The following ZZEF1 variants were observed in gnomAD, a reference collection of about 807,000 sequenced individuals.
ZZEF1 encodes zinc finger ZZ-type and EF-hand domain containing 1, also known as zinc finger ZZ-type and EF-hand domain-containing protein 1.
Under a neutral mutation model 342.8 loss-of-function variants are expected in ZZEF1, and 157 were observed. The ratio of observed to expected loss-of-function variants is 0.46; its 90% confidence interval spans 0.40 to 0.52. The LOEUF (loss-of-function observed/expected upper bound fraction) is 0.52, where lower values mean the gene tolerates loss of function less well. ZZEF1 is among the 20% of genes least tolerant of loss of function. The probability of loss-of-function intolerance (pLI) is 0.00; values close to 1 mark genes in which losing one functional copy is unlikely to be tolerated. For missense variants in ZZEF1, 3,480 were observed against 3,725.6 expected, an observed-to-expected ratio of 0.93 and a Z score of 1.72; for synonymous variants, 1,505 against 1,429.1, an observed-to-expected ratio of 1.05 and a Z score of -1.20.
intron 28 of ZZEF1, among the ~76,000 whole-genome samples, chr17:4,065,347 A>C (rs894980086): frequency 1.3e-5 from 2 of 151,942 alleles, no homozygotes; most frequent in Non-Finnish European, 2.9e-5. Flanking sequence ...CAGTGAGCCG[A>C]GATCATGCCA....
intron 6 of ZZEF1, among the ~76,000 whole-genome samples, chr17:4,109,428 G>C (rs1241568166): frequency 1.3e-5 from 2 of 152,184 alleles, no homozygotes; most frequent in Non-Finnish European, 2.9e-5. Context: ...ACGAGGAGCA[G>C]GAAGGTGGAA....
intron 2 of ZZEF1, 72 bp from the exon 3 acceptor site, chr17:4,117,238 C>T (rs2058410701): frequency 1.6e-6 from 2 of 1,259,668 alleles, no homozygotes; most frequent in Non-Finnish European, 2.2e-6. Context: ...GCCTGGTGGC[C>T]TATCTGAATT....
chr17:4,018,073 T>A (rs1265421115), intron 46 of ZZEF1, 102 bp from the exon 47 acceptor site: 1 of 1,447,426 alleles, frequency 6.9e-7, no homozygotes, highest in African/African-American at 1.4e-5. Context: ...TGTTCTTCTG[T>A]TAGTATCAAT....
At position 4,005,044 on chromosome 17, in the gene ZZEF1, G is replaced by A. The variant is rs1416548782; in HGVS notation, c.*1846C>T. On this transcript the variant is annotated 3_prime_UTR_variant, in exon 55 of 55. Coordinates refer to ENST00000381638, the MANE Select transcript of ZZEF1 (RefSeq NM_015113.4). ...TCCGGCCCTACCGCCCGCTTTACTC[G>A]GAGTCTGGGGTGTGGAGGGGCGTGG... 1.4e-5 allele frequency: 2 copies of A among 147,796 alleles called. No individual in the cohort carries two copies. The highest frequency in any genetic ancestry group is 6.6e-5 in the Admixed American group (1 of 15,166). The allele number at this position is 147,796 out of a possible 1,614,324, so 9.2% of individuals were successfully genotyped here. A position where few individuals can be genotyped will look rare whatever the true frequency, so the allele number is the denominator to read the frequency against.
At position 4,008,613 on chromosome 17, in the gene ZZEF1, G is replaced by A; in HGVS notation, c.8805+270C>T. 8.5e-6 allele frequency: 10 copies of A among 1,172,834 alleles called. No individual in the cohort carries two copies. Among genetic ancestry groups the A allele is most frequent in the Non-Finnish European group, 1.1e-5 (10 of 948,990 alleles). 72.7% of individuals were successfully genotyped at this position (1,172,834 alleles called of 1,614,324 possible). ...AACTCCACGGAAACTTCAAGAATCA[G>A]CCAAACTAAATTTAAGGCATCGGTT... On this transcript the variant is annotated intron_variant, in intron 54 of 54. Coordinates refer to ENST00000381638, the MANE Select transcript of ZZEF1 (RefSeq NM_015113.4). This position sits in a 1 kb window ranked among gnomAD's most constrained non-coding sequence, Gnocchi z 4.2.
chr17:4,042,353 G>A (rs1567787133), intron 39 of ZZEF1, 76 bp downstream of exon 39: 2 of 1,450,510 alleles, frequency 1.4e-6, no homozygotes, highest in Non-Finnish European at 1.9e-6. Context: ...GTCATCATTT[G>A]TTTCAGTATG....
chr17:4,019,936 A>G, intron 45 of ZZEF1, 167 bp from the exon 46 acceptor site: 1 of 533,520 alleles, frequency 1.9e-6, no homozygotes, highest in Admixed American at 4.0e-5. Flanking sequence ...GTAAGCACCA[A>G]AACATGGACT....
Position 4,142,729 on chromosome 17 carries a change from A to G in ZZEF1, c.167T>C (p.Leu56Pro). The G allele has an allele frequency of 6.5e-7, 1 of 1,547,310 alleles. No individual in the cohort carries two copies. ...CAGCAACGCTGCAGCAGCCTCTCGC[A>G]GCCTGGCCGGCTCCAGCAGCGCCGC... ...PAAALLEPAR[L>P]REAAAALLPT... The change falls in exon 1 of 55, where the codon CTG becomes CCG. Residue 56 changes from leucine to proline, a missense_variant. This residue lies in a region of ZZEF1 where 416 missense variants were observed against 374.2 expected (regional missense o/e 1.11). Transcript: ENST00000381638.
chr17:4,062,848 C>T lies in ZZEF1; in HGVS notation c.4788G>A (p.Gln1596=). 6.2e-7 allele frequency: 1 copy of T among 1,613,636 alleles called. No individual in the cohort carries two copies. Among genetic ancestry groups the T allele is most frequent in the African/African-American group, 1.3e-5 (1 of 75,026 alleles). Residue 1596 remains glutamine (Q), a synonymous_variant, in exon 30 of 55, where the codon CAG becomes CAA. Transcript: ENST00000381638. The part of the protein sequence containing the change: ...QSILEVLKIT[Q]HCAESLGQPH... Reference sequence around the variant, plus strand: ...GCTGCCCAAGGGATTCTGCACAGTGCTGAGTTATCTTCAGGACTTCCAGGA... The same window carrying T: ...GCTGCCCAAGGGATTCTGCACAGTGTTGAGTTATCTTCAGGACTTCCAGGA...
At position 4,124,043 on chromosome 17, in the gene ZZEF1, G is replaced by A. The variant is rs1018216265; in HGVS notation, c.363C>T (p.Ala121=). 8 of 1,612,538 alleles carry A rather than the reference G, an allele frequency of 5.0e-6. No homozygotes were observed. In the African/African-American group the frequency reaches 9.4e-5, roughly 19 times the overall value. The part of the protein sequence containing the change: ...CSSEQFEEAF[A]QFDAEGDGTV... ...TCCCATCACCCTCAGCATCAAACTG[G>A]GCAAAGGCCTACAAGATAAGAGATG... The change falls in exon 2 of 55, where the codon GCC becomes GCT. Residue 121 remains alanine, a synonymous_variant. Coordinates refer to ENST00000381638, the MANE Select transcript of ZZEF1 (RefSeq NM_015113.4).
chr17:4,086,272 C>G (rs2057817383), intron 15 of ZZEF1, among the ~76,000 whole-genome samples: 1 of 150,564 alleles, frequency 6.6e-6, no homozygotes, highest in Non-Finnish European at 1.5e-5. Flanking sequence ...GGGAAACACT[C>G]GTTTCCCACA....
chr17:4,011,921 G>A (rs1041802259), intron 52 of ZZEF1, among the ~76,000 whole-genome samples: 2 of 152,190 alleles, frequency 1.3e-5, no homozygotes, highest in Non-Finnish European at 2.9e-5. Context: ...TGCCCCTTGT[G>A]TGTGGCCTCC....
At chr17:4,033,411 G>C (rs552724802) in intron 40 of ZZEF1, 45 of 166,066 alleles carry the variant, frequency 2.7e-4, no homozygotes, top group African/African-American at 4.5e-4. Context: ...GTAATGGCGC[G>C]ATCTCTGCTG....
chr17:4,135,632 C>G (rs1378456960), intron 1 of ZZEF1, among the ~76,000 whole-genome samples: 2 of 152,188 alleles, frequency 1.3e-5, no homozygotes, highest in Admixed American at 6.6e-5. Flanking sequence ...AACTGAAAAC[C>G]TGCCTCCCCA....
Position 4,005,460 on chromosome 17 carries a change from A to T in ZZEF1, c.*1430T>A, listed in dbSNP as rs2144900978. The T allele has an allele frequency of 6.6e-6, 1 of 152,468 alleles. No homozygotes were observed. Among genetic ancestry groups the T allele is most frequent in the African/African-American group, 2.4e-5 (1 of 41,586 alleles). The allele number at this position is 152,468 out of a possible 1,614,324, so 9.4% of individuals were successfully genotyped here. A position where few individuals can be genotyped will look rare whatever the true frequency, so the allele number is the denominator to read the frequency against. ...AATCCCACCCTCCACCCGCCCCGGG[A>T]TGGTTCTACCAGAACTCTGGGGCTT... is the stretch of plus-strand genomic sequence containing the variant. On this transcript the variant is annotated 3_prime_UTR_variant, in exon 55 of 55. Transcript: ENST00000381638.
chr17:4,014,446 C>A lies in ZZEF1; in HGVS notation c.8215G>T (p.Gly2739Cys), dbSNP rs760981067. 1.9e-6 allele frequency: 3 copies of A among 1,614,166 alleles called. No homozygotes were observed. The highest frequency in any genetic ancestry group is 4.5e-5 in the East Asian group (2 of 44,884). ...KFDSQCNTEE[G>C]CDELAMSSSS... Reference sequence around the variant, plus strand: ...CTGGACATGGCTAACTCGTCACAGCCCTCCTCTGTGTTGCACTGAGAGTCG... The same window carrying A: ...CTGGACATGGCTAACTCGTCACAGCACTCCTCTGTGTTGCACTGAGAGTCG... Residue 2739 changes from glycine to cysteine, a missense_variant, in exon 50 of 55, where the codon GGC (glycine) becomes TGC (cysteine). Transcript: ENST00000381638. The surrounding 1 kb of genome is among the most constrained non-coding windows in gnomAD (Gnocchi z 4.4).
In ZZEF1 at chr17:4,017,675, T is replaced by C. The variant is rs776951815; in HGVS notation, c.7697A>G (p.Lys2566Arg). ...TTCGCTCTCTGTGCTGGAGATCAGC[T>C]TCTGGGTCACAGGGTTCGATTCAGC... ...ATAESNPVTQKLISSTESELQ... is the reference protein window; with the variant it reads ...ATAESNPVTQRLISSTESELQ... The change falls in exon 48 of 55, where the codon AAG (lysine) becomes AGG (arginine). Residue 2566 changes from lysine (K) to arginine (R), a missense_variant. This residue lies in a region of ZZEF1 where 1,269 missense variants were observed against 1,342.4 expected (regional missense o/e 0.95). Transcript: ENST00000381638. The surrounding 1 kb of genome is among the most constrained non-coding windows in gnomAD (Gnocchi z 5.1). 2.5e-6 allele frequency: 4 copies of C among 1,613,902 alleles called. No homozygotes were observed. The highest frequency in any genetic ancestry group is 2.2e-5 in the East Asian group (1 of 44,876).
Position 4,078,040 on chromosome 17 carries a change from G to A in ZZEF1, c.2832C>T (p.Cys944=), listed in dbSNP as rs148295612. 1.2e-4 allele frequency: 186 copies of A among 1,613,214 alleles called. 1 individual carries two copies. The East Asian group carries it at 2.8e-3, about 25-fold the overall frequency. Residue 944 remains cysteine (C), a splice_region_variant and synonymous_variant, in exon 19 of 55, where the codon TGC becomes TGT. Coordinates refer to ENST00000381638, the MANE Select transcript of ZZEF1 (RefSeq NM_015113.4). ...GGGCCCCACTGAGCATTAACAGCTCGCACTACAAGGGAGGAGACAAACAGA... is the reference window on the plus strand; with the variant it reads ...GGGCCCCACTGAGCATTAACAGCTCACACTACAAGGGAGGAGACAAACAGA... The part of the protein sequence containing the change: ...DTLVSVAARE[C]ELLMLSGAPG...
At chr17:4,090,966 A>C (rs2057932276) in intron 11 of ZZEF1, 136 bp from the exon 12 acceptor site, 1 of 669,174 alleles carries the variant, frequency 1.5e-6, no homozygotes, top group Non-Finnish European at 2.7e-6. Flanking sequence ...ACTATGGTAC[A>C]TGGTACCCTG....
Sources: gnomAD v4.1 joint callset for allele counts (sites outside exome capture counted in the v4.1 genomes callset) on GRCh38, gnomAD v4.1.1 for gene constraint, gnomAD v4.1.1 regional missense constraint, Gnocchi (gnomAD v3.1) non-coding constraint, MANE v1.5 for transcripts, NCBI Gene and HGNC (gene_info 2026-07-23, HGNC 2026-07-21) for gene names.